The following USP49 variants were observed in gnomAD, a reference collection of about 807,000 sequenced individuals.
The protein encoded by USP49 is ubiquitin specific peptidase 49, also known as ubiquitin carboxyl-terminal hydrolase 49.
USP49 carries 24 observed loss-of-function variants against 58.6 expected under a neutral mutation model. That is an observed-to-expected ratio of 0.41 (90% CI 0.30 to 0.58). USP49 has a LOEUF of 0.58. Among genes scored for constraint, USP49 ranks in the 20% least tolerant of loss-of-function variants. The probability of loss-of-function intolerance (pLI) is 0.30; values close to 1 mark genes in which losing one functional copy is unlikely to be tolerated. For synonymous variants in USP49, 408 were observed against 365.1 expected (o/e 1.12, Z -1.34); for missense variants, 703 against 866.1 (o/e 0.81, Z 2.36).
At chr6:41,886,937 TC>T (rs772438701) in intron 2 of USP49, among the ~76,000 whole-genome samples, 3 of 152,184 alleles carry the variant, frequency 2.0e-5, no homozygotes, top group Non-Finnish European at 2.9e-5. Context: ...TATCTACTCT[TC>T]CTTTCATTTT....
intron 2 of USP49, among the ~76,000 whole-genome samples, chr6:41,885,096 C>G (rs1306376405): frequency 2.0e-5 from 3 of 152,164 alleles, no homozygotes; most frequent in African/African-American, 7.2e-5. Context: ...CTATGTAACG[C>G]CCTCCCTCTG....
intron 3 of USP49, among the ~76,000 whole-genome samples, chr6:41,825,560 T>C (rs1773524392): frequency 6.6e-6 from 1 of 152,192 alleles, no homozygotes; most frequent in South Asian, 2.1e-4. Flanking sequence ...ACCCATGAAA[T>C]TATTATATCA....
In USP49 at chr6:41,806,279, C is replaced by T. The variant is rs548779667; in HGVS notation, c.705G>A (p.Val235=). 1.3e-4 allele frequency: 204 copies of T among 1,602,978 alleles called. No individual in the cohort carries two copies. The highest frequency in any genetic ancestry group is 6.7e-4 in the Admixed American group (40 of 59,924). The change falls in exon 4 of 8, where the codon GTG becomes GTA. Residue 235 remains valine (V), a synonymous_variant. Transcript: ENST00000682992. The surrounding 1 kb of genome is among the most constrained non-coding windows in gnomAD (Gnocchi z 5.9). ...GACGCAGCTTGAGTGTGGCGGCGGG[C>T]ACTCTGCGTGAGGTAGGGAGGGCGG... is the stretch of plus-strand genomic sequence containing the variant. ...RPAALPTSRR[V]PAATLKLRRQ...
chr6:41,832,851 A>G (rs376037249), intron 3 of USP49: 19 of 152,174 alleles, frequency 1.2e-4, no homozygotes, highest in African/African-American at 4.1e-4. Context: ...AGAATAATTT[A>G]ATTGCATTGC....
chr6:41,876,713 T>A (rs1010010040), intron 2 of USP49, among the ~76,000 whole-genome samples: 5 of 152,126 alleles, frequency 3.3e-5, no homozygotes, highest in Admixed American at 2.6e-4. Flanking sequence ...CAACCTGCCG[T>A]AATCGAAGTT....
At chr6:41,852,431 G>A (rs1194135123) in intron 3 of USP49, among the ~76,000 whole-genome samples, 1 of 152,186 alleles carries the variant, frequency 6.6e-6, no homozygotes, top group African/African-American at 2.4e-5. Context: ...AAAATCTGCT[G>A]TATTTATATA....
intron 3 of USP49, among the ~76,000 whole-genome samples, chr6:41,828,976 T>C (rs1276580332): frequency 6.6e-6 from 1 of 152,198 alleles, no homozygotes; most frequent in East Asian, 1.9e-4. Flanking sequence ...ATGAACATGC[T>C]ATCTCTCTGT....
chr6:41,838,270 C>T (rs976633331), intron 3 of USP49, among the ~76,000 whole-genome samples: 1 of 152,214 alleles, frequency 6.6e-6, no homozygotes, highest in Non-Finnish European at 1.5e-5. Context: ...AGAGGTCCTG[C>T]GTCTATCCAC....
chr6:41,798,972 A>G (rs757740881), intron 6 of USP49, 43 bp from the exon 7 acceptor site: 1 of 1,595,938 alleles, frequency 6.3e-7, no homozygotes, highest in Non-Finnish European at 8.5e-7. Context: ...AAACTGGCAT[A>G]TATAATCGTA....
intron 2 of USP49, among the ~76,000 whole-genome samples, chr6:41,885,670 G>A (rs544274229): frequency 1.3e-5 from 2 of 152,164 alleles, no homozygotes; most frequent in Admixed American, 6.5e-5. Context: ...ATGGTGGCAA[G>A]CACCTGTAGT....
At chr6:41,800,402 T>C (rs1239095308) in intron 5 of USP49, among the ~76,000 whole-genome samples, 3 of 152,340 alleles carry the variant, frequency 2.0e-5, no homozygotes, top group East Asian at 3.9e-4. Context: ...ATAAAATCTC[T>C]CATTTTAAGT....
intron 2 of USP49, among the ~76,000 whole-genome samples, chr6:41,890,149 T>C (rs930504766): frequency 3.9e-5 from 6 of 151,952 alleles, no homozygotes; most frequent in African/African-American, 1.2e-4. Context: ...TCCTAGCACT[T>C]TGGAGATCAC....
chr6:41,873,824 G>A (rs1427231202), intron 2 of USP49, among the ~76,000 whole-genome samples: 8 of 152,198 alleles, frequency 5.3e-5, no homozygotes, highest in Non-Finnish European at 8.8e-5. Context: ...TGGTGATCTT[G>A]AAAACTGGGA....
At chr6:41,836,499 G>A (rs907030167) in intron 3 of USP49, among the ~76,000 whole-genome samples, 16 of 152,098 alleles carry the variant, frequency 1.1e-4, no homozygotes, top group Non-Finnish European at 1.6e-4. Context: ...CCTACTCAGC[G>A]TAGTACTGGA....
intron 3 of USP49, among the ~76,000 whole-genome samples, chr6:41,869,978 C>G (rs1363660144): frequency 1.3e-5 from 2 of 152,080 alleles, no homozygotes; most frequent in African/African-American, 4.8e-5. Context: ...AGTCTAGCAG[C>G]ATACTCAGAG....
At chr6:41,797,284 T>C (rs1772904027) in intron 7 of USP49, among the ~76,000 whole-genome samples, 1 of 152,204 alleles carries the variant, frequency 6.6e-6, no homozygotes, top group African/African-American at 2.4e-5. Context: ...TTTATCTTTG[T>C]TTTCTTCAGG....
chr6:41,826,648 A>C, intron 3 of USP49, among the ~76,000 whole-genome samples: 1 of 147,330 alleles, frequency 6.8e-6, no homozygotes, highest in East Asian at 2.0e-4. Flanking sequence ...TTGAAGTTAG[A>C]AAAAAAAAAA....
chr6:41,834,639 G>C (rs1773695097), intron 3 of USP49, among the ~76,000 whole-genome samples: 1 of 152,154 alleles, frequency 6.6e-6, no homozygotes, highest in Admixed American at 6.5e-5. Flanking sequence ...TTAAAAGTGT[G>C]TAGCACCTCA....
intron 3 of USP49, among the ~76,000 whole-genome samples, chr6:41,814,851 G>A (rs939918143): frequency 1.3e-5 from 2 of 152,098 alleles, no homozygotes; most frequent in East Asian, 1.9e-4. Context: ...TACTAATTAC[G>A]TGGTATCATC....
Sources: gnomAD v4.1 joint callset for allele counts (sites outside exome capture counted in the v4.1 genomes callset) on GRCh38, gnomAD v4.1.1 for gene constraint, Gnocchi (gnomAD v3.1) non-coding constraint, MANE v1.5 for transcripts, NCBI Gene and HGNC (gene_info 2026-07-23, HGNC 2026-07-21) for gene names.